The following GSE1 variants were observed in gnomAD, a reference collection of about 807,000 sequenced individuals.
The protein encoded by GSE1 is Gse1 coiled-coil protein, also known as genetic suppressor element 1.
A neutral mutation model predicts 112.6 loss-of-function variants in GSE1; 32 were observed. That is an observed-to-expected ratio of 0.28 (90% CI 0.21 to 0.38). GSE1 has a LOEUF of 0.38. Among genes scored for constraint, GSE1 ranks in the 10% least tolerant of loss-of-function variants. The pLI, the probability that GSE1 is intolerant of heterozygous loss-of-function variation, is 1.00. For synonymous variants in GSE1, 1,115 were observed against 735.6 expected (o/e 1.52, Z -8.35); for missense variants, 2,348 against 1,699.2 (o/e 1.38, Z -6.71).
chr16:85,332,236 C>T (rs1419866107), intron 1 of GSE1, among the ~76,000 whole-genome samples: 1 of 152,200 alleles, frequency 6.6e-6, no homozygotes, highest in African/African-American at 2.4e-5. Context: ...TAGCCGTCGG[C>T]CATGAGAGGG....
chr16:85,654,644 C>T (rs535622252), intron 4 of GSE1, 150 bp from the exon 5 acceptor site: 18 of 713,666 alleles, frequency 2.5e-5, no homozygotes, highest in Non-Finnish European at 4.4e-5. Flanking sequence ...CTCGCTCCCC[C>T]CGCTGCTTAA....
At chr16:85,501,186 T>C (rs1323666577) in intron 2 of GSE1, among the ~76,000 whole-genome samples, 1 of 151,442 alleles carries the variant, frequency 6.6e-6, no homozygotes. Context: ...ACTTTTTTAG[T>C]AGAGACGGGC....
intron 1 of GSE1, among the ~76,000 whole-genome samples, chr16:85,230,327 G>A (rs1223250001): frequency 6.6e-6 from 1 of 152,158 alleles, no homozygotes; most frequent in African/African-American, 2.4e-5. Context: ...CTGGCTCAGG[G>A]CTAAGCTTCT....
intron 1 of GSE1, among the ~76,000 whole-genome samples, chr16:85,350,193 C>T (rs756346718): frequency 9.9e-5 from 15 of 152,186 alleles, no homozygotes; most frequent in Admixed American, 1.3e-4. Context: ...GCCCACTTTC[C>T]GGAGACATCA....
chr16:85,245,357 G>A (rs991343006), intron 1 of GSE1, among the ~76,000 whole-genome samples: 3 of 152,176 alleles, frequency 2.0e-5, no homozygotes, highest in African/African-American at 4.8e-5. Flanking sequence ...ACTTTCTGCC[G>A]GGAGCATGGT....
chr16:85,611,551 C>T (rs538202481), upstream of GSE1: 467 of 854,140 alleles, frequency 5.5e-4, 10 homozygotes, highest in South Asian at 0.021. Flanking sequence ...AGTAACGGCC[C>T]GACCCGGCCT....
In GSE1 at chr16:85,343,790, G is replaced by GTCTCT. The variant is rs113689939; in HGVS notation, c.2284-13670_2284-13666dup. 4.6e-3 allele frequency among the ~76,000 whole-genome samples: 703 copies of GTCTCT among 152,238 alleles called. 4 individuals carry two copies. The highest frequency in any genetic ancestry group is 0.016 in the African/African-American group (676 of 41,526). On this transcript the variant is annotated intron_variant, in intron 1 of 2. Coordinates refer to the GSE1 transcript ENST00000637419. ...TTAAAAAGGCAAAAATCAAAATGAT[G>GTCTCT]TCTCTTCAGCTCGGAACATCCAGCA...
At chr16:85,568,921 C>T (rs910391725) in intron 1 of GSE1, among the ~76,000 whole-genome samples, 1 of 152,174 alleles carries the variant, frequency 6.6e-6, no homozygotes, top group Non-Finnish European at 1.5e-5. Context: ...TTCTCTGCCT[C>T]TACTCCCCTC....
intron 2 of GSE1, among the ~76,000 whole-genome samples, chr16:85,444,142 G>A (rs1449382064): frequency 6.6e-6 from 1 of 152,038 alleles, no homozygotes; most frequent in Admixed American, 6.6e-5. Flanking sequence ...ATGCCACCAA[G>A]TCCAGCTAAT....
rs139079929 is a variant in GSE1 at position 85,437,823 on chromosome 16, G to A, written c.2464+80180G>A. ...AGGGGCTATGTTCAGTGGTTGGACC[G>A]GCTCTGGGTTTAAATCTCCCTCCCA... is the stretch of plus-strand genomic sequence containing the variant. On this transcript the variant is annotated intron_variant, in intron 2 of 2. Coordinates refer to the GSE1 transcript ENST00000637419. Among the ~76,000 whole-genome samples the A allele has an allele frequency of 4.9e-3, 747 of 152,296 alleles. 6 individuals carry two copies. The highest frequency in any genetic ancestry group is 0.017 in the African/African-American group (718 of 41,546).
intron 2 of GSE1, among the ~76,000 whole-genome samples, chr16:85,476,407 A>G (rs1003605096): frequency 6.6e-6 from 1 of 152,192 alleles, no homozygotes; most frequent in African/African-American, 2.4e-5. Flanking sequence ...ATACACGTGC[A>G]TATGACAGTC....
At chr16:85,491,102 A>G (rs1466418810) in intron 2 of GSE1, among the ~76,000 whole-genome samples, 1 of 152,168 alleles carries the variant, frequency 6.6e-6, no homozygotes, top group African/African-American at 2.4e-5. Flanking sequence ...TGGGCCCCCC[A>G]AGCCCTGTCG....
chr16:85,382,554 G>A (rs2151624013), intron 2 of GSE1, among the ~76,000 whole-genome samples: 1 of 152,316 alleles, frequency 6.6e-6, no homozygotes, highest in South Asian at 2.1e-4. Flanking sequence ...GCCCTTGAAA[G>A]CAGGGGGTAC....
intron 1 of GSE1, among the ~76,000 whole-genome samples, chr16:85,559,887 C>T (rs1439866481): frequency 6.6e-6 from 1 of 152,138 alleles, no homozygotes; most frequent in Non-Finnish European, 1.5e-5. Context: ...TGAGCAGAGA[C>T]CATCTGGACT....
intron 1 of GSE1, among the ~76,000 whole-genome samples, chr16:85,346,377 G>T (rs200154519): frequency 6.7e-6 from 1 of 150,252 alleles, no homozygotes; most frequent in East Asian, 2.0e-4. Context: ...TGGTGGGCAG[G>T]TGGGTGGATG....
chr16:85,669,912 C>CGTCA (rs1217072310), intron 14 of GSE1, among the ~76,000 whole-genome samples: 1 of 152,094 alleles, frequency 6.6e-6, no homozygotes, highest in Non-Finnish European at 1.5e-5. Context: ...CTGCGCTGAC[C>CGTCA]CCCTCTTCTC....
chr16:85,564,808 C>A (rs2045668687), intron 1 of GSE1, among the ~76,000 whole-genome samples: 1 of 152,196 alleles, frequency 6.6e-6, no homozygotes, highest in Admixed American at 6.5e-5. Context: ...AATCTGTTCC[C>A]TGCTCCTCCC....
chr16:85,201,168 G>A (rs2075021554), intron 1 of GSE1, among the ~76,000 whole-genome samples: 2 of 152,128 alleles, frequency 1.3e-5, no homozygotes, highest in South Asian at 4.1e-4. Flanking sequence ...AACCTCCCCG[G>A]TTTAAGTGAT....
rs529154216 is a variant in GSE1 at position 85,208,103 on chromosome 16, C to T, written c.2283+36296C>T. Among the ~76,000 whole-genome samples the T allele has an allele frequency of 9.2e-5, 14 of 152,266 alleles. No homozygotes were observed. In the South Asian group the frequency reaches 2.1e-3, roughly 23 times the overall value. On this transcript the variant is annotated intron_variant, in intron 1 of 2. Transcript: ENST00000637419. ...GGTTGGAGCAGCATTAGGAGGGAGT[C>T]AGGATGCCTGGTTGTCGTCCTTGTC...
Sources: allele counts gnomAD v4.1 joint callset (sites outside exome capture counted in the v4.1 genomes callset), GRCh38; gene constraint gnomAD v4.1.1; transcripts MANE v1.5; gene names NCBI Gene and HGNC (gene_info 2026-07-23, HGNC 2026-07-21).